The following SLC35F2 variants were observed in gnomAD, a reference collection of about 807,000 sequenced individuals.
SLC35F2 encodes the protein queuine/queuosine transporter SLC35F2.
Under a neutral mutation model 38.1 loss-of-function variants are expected in SLC35F2, and 25 were observed. That is an observed-to-expected ratio of 0.66 (90% CI 0.48 to 0.92). SLC35F2 has a LOEUF of 0.92. SLC35F2 is among the 40% of genes least tolerant of loss of function. The pLI is 0.00. For missense variants in SLC35F2, 409 were observed against 452.9 expected (o/e 0.90, Z 0.88); for synonymous variants, 173 against 181.7 (o/e 0.95, Z 0.38).
chr11:107,799,748 C>T (rs523601), intron 7 of SLC35F2, among the ~76,000 whole-genome samples: 97,240 of 151,212 alleles, frequency 0.64, 31,904 homozygotes, highest in African/African-American at 0.79. Flanking sequence ...AATTTTTGTA[C>T]TTGTAAAGAC....
intron 1 of SLC35F2, among the ~76,000 whole-genome samples, chr11:107,844,218 C>A (rs1170121582): frequency 1.3e-5 from 2 of 152,092 alleles, no homozygotes; most frequent in African/African-American, 2.4e-5. Context: ...TGGTTGCATT[C>A]CTTACTACTG....
chr11:107,858,698 A>C lies in SLC35F2; in HGVS notation c.70T>G (p.Ser24Ala). 1 of 1,301,450 alleles carries C rather than the reference A, an allele frequency of 7.7e-7. No homozygotes were observed. Among genetic ancestry groups the C allele is most frequent in the Non-Finnish European group, 9.8e-7 (1 of 1,017,014 alleles). The allele number at this position is 1,301,450 out of a possible 1,614,324, so 80.6% of individuals were successfully genotyped here. The change falls in exon 1 of 8, where the codon TCC becomes GCC. Residue 24 changes from serine to alanine, a missense_variant. Coordinates refer to ENST00000525815, the MANE Select transcript of SLC35F2 (RefSeq NM_017515.5). ...CCTTTTATCCTGCGCAGCAGGCTGG[A>C]GAACTCGGCCGCCGCTCCCTCCGCG... ...PLAEGAAAEF[S>A]SLLRRIKGKL...
chr11:107,811,169 T>G, intron 3 of SLC35F2: 1 of 985,076 alleles, frequency 1.0e-6, no homozygotes, highest in Non-Finnish European at 1.2e-6. Flanking sequence ...TGTAGGAATA[T>G]TTTTCTTTCA....
At chr11:107,852,905 G>A (rs550035508) in intron 1 of SLC35F2, among the ~76,000 whole-genome samples, 258 of 151,496 alleles carry the variant, frequency 1.7e-3, no homozygotes, top group African/African-American at 5.8e-3. Flanking sequence ...TTAGCCAGGC[G>A]TGGTGGCCCA....
Position 107,803,317 on chromosome 11 carries a change from C to T in SLC35F2, c.785-162G>A, listed in dbSNP as rs957965143. 29 of 982,840 alleles carry T rather than the reference C, an allele frequency of 3.0e-5. 1 individual carries two copies. In the South Asian group the frequency reaches 9.4e-4, roughly 32 times the overall value. 60.9% of individuals were successfully genotyped at this position (982,840 alleles called of 1,614,324 possible). On this transcript the variant is annotated intron_variant, in intron 6 of 7. Coordinates refer to ENST00000525815, the MANE Select transcript of SLC35F2 (RefSeq NM_017515.5). ...TGAAAATGAGACCATAAAGCTCTCT[C>T]GAAAAAAGAATATAAATAGCAAGTT...
At chr11:107,807,285 AAC>A (rs1555083005) in intron 3 of SLC35F2, among the ~76,000 whole-genome samples, 1 of 88,012 alleles carries the variant, frequency 1.1e-5, no homozygotes, top group African/African-American at 5.2e-5. Context: ...AAAAAAAAAA[AAC>A]AACAACAAAA....
rs1859131276 is a variant in SLC35F2, at chr11:107,791,496, GCACATAGC to G, written c.*1111_*1118del. On this transcript the variant is annotated 3_prime_UTR_variant, in exon 8 of 8. Transcript: ENST00000525815. Reference sequence around the variant, plus strand: ...TATGACCTGGGACTGAAACTGTGGAGCACATAGCCAGTGTCACAGGCTCCGAGAGCAGA... The same window carrying G: ...TATGACCTGGGACTGAAACTGTGGAGCAGTGTCACAGGCTCCGAGAGCAGA... 1 of 152,202 alleles carries G rather than the reference GCACATAGC, an allele frequency of 6.6e-6. No individual in the cohort carries two copies. Among genetic ancestry groups the G allele is most frequent in the Non-Finnish European group, 1.5e-5 (1 of 68,054 alleles). The allele number at this position is 152,202 out of a possible 1,614,324, so 9.4% of individuals were successfully genotyped here. A position where few individuals can be genotyped will look rare whatever the true frequency, so the allele number is the denominator to read the frequency against.
chr11:107,816,052 A>ACACACG, intron 1 of SLC35F2, 87 bp from the exon 2 acceptor site: 9 of 1,354,754 alleles, frequency 6.6e-6, no homozygotes, highest in Non-Finnish European at 8.6e-6. Context: ...ACACACACAC[A>ACACACG]CTGCTAAACA....
At chr11:107,856,892 G>C (rs1860294297) in intron 1 of SLC35F2, among the ~76,000 whole-genome samples, 1 of 98,440 alleles carries the variant, frequency 1.0e-5, no homozygotes, top group African/African-American at 3.9e-5. Flanking sequence ...GGAAGGGAGG[G>C]AGGGAAGGAA....
chr11:107,802,936 A>G, intron 7 of SLC35F2, 65 bp downstream of exon 7: 1 of 1,462,778 alleles, frequency 6.8e-7, no homozygotes, highest in Admixed American at 2.3e-5. Context: ...AGAGTCTTGA[A>G]GAAACCTGCT....
At chr11:107,852,869 C>A (rs1860209589) in intron 1 of SLC35F2, among the ~76,000 whole-genome samples, 2 of 130,000 alleles carry the variant, frequency 1.5e-5, no homozygotes, top group African/African-American at 3.0e-5. Context: ...AACAAGACTC[C>A]ATCTCAAAAA....
intron 3 of SLC35F2, chr11:107,809,667 T>C (rs981882087): frequency 2.0e-6 from 2 of 981,792 alleles, no homozygotes; most frequent in African/African-American, 3.5e-5. Flanking sequence ...ATGGATGTCT[T>C]CTCTGTTTCA....
chr11:107,858,708 C>G lies in SLC35F2; in HGVS notation c.60G>C (p.Ala20=), dbSNP rs748551603. 1.5e-6 allele frequency: 2 copies of G among 1,301,642 alleles called. No homozygotes were observed. The highest frequency in any genetic ancestry group is 2.0e-6 in the Non-Finnish European group (2 of 1,017,076). 80.6% of individuals were successfully genotyped at this position (1,301,642 alleles called of 1,614,324 possible). Residue 20 remains alanine, a synonymous_variant, in exon 1 of 8, where the codon GCG becomes GCC. Coordinates refer to ENST00000525815, the MANE Select transcript of SLC35F2 (RefSeq NM_017515.5). ...TGCGCAGCAGGCTGGAGAACTCGGC[C>G]GCCGCTCCCTCCGCGAGGGGCTCTG... ...GAPEPLAEGA[A]AEFSSLLRRI... is the part of the protein sequence containing the mutation.
intron 1 of SLC35F2, among the ~76,000 whole-genome samples, chr11:107,818,086 A>AAGAAAGAAAGAG (rs1859609723): frequency 2.5e-5 from 3 of 120,736 alleles, no homozygotes; most frequent in Admixed American, 7.9e-5. Flanking sequence ...GAAAGAAAGA[A>AAGAAAGAAAGAG]AGAAAGAAAG....
At position 107,802,984 on chromosome 11, in the gene SLC35F2, G is replaced by T. The variant is rs2305288; in HGVS notation, c.939+17C>A. ...TCCAAGCAAGTATTCTTATTTGAAC[G>T]TGATCTATTTGTTTACCTTATAGCC... On this transcript the variant is annotated intron_variant, in intron 7 of 7. Transcript: ENST00000525815. The T allele has an allele frequency of 1.9e-6, 3 of 1,587,992 alleles. No individual in the cohort carries two copies. In the African/African-American group the frequency reaches 4.1e-5, roughly 22 times the overall value.
At chr11:107,805,672 A>G (rs1486477156) in intron 4 of SLC35F2, 157 bp from the exon 5 acceptor site, 46 of 929,970 alleles carry the variant, frequency 4.9e-5, no homozygotes, top group East Asian at 2.3e-4. Flanking sequence ...GTGTGTGTGT[A>G]TGTGTGTGTG....
chr11:107,793,078 G>A (rs1457014789), intron 7 of SLC35F2, among the ~76,000 whole-genome samples: 3 of 148,716 alleles, frequency 2.0e-5, no homozygotes, highest in Non-Finnish European at 4.5e-5. Context: ...CACCACACCC[G>A]GCCAATTTTT....
chr11:107,808,908 G>A (rs995235305), intron 3 of SLC35F2, among the ~76,000 whole-genome samples: 1 of 152,148 alleles, frequency 6.6e-6, no homozygotes, highest in African/African-American at 2.4e-5. Context: ...CCACAGAAGA[G>A]TCCCTTGTGT....
At chr11:107,802,480 T>C (rs1429600520) in intron 7 of SLC35F2, among the ~76,000 whole-genome samples, 1 of 152,184 alleles carries the variant, frequency 6.6e-6, no homozygotes, top group Non-Finnish European at 1.5e-5. Context: ...ATGATGTGGA[T>C]AGAAAAAGTC....
Sources: allele counts gnomAD v4.1 joint callset (sites outside exome capture counted in the v4.1 genomes callset), GRCh38; gene constraint gnomAD v4.1.1; transcripts MANE v1.5; gene names NCBI Gene and HGNC (gene_info 2026-07-23, HGNC 2026-07-21).